MKLN1: variants seen among roughly 807,000 people sequenced by gnomAD.
MKLN1 encodes the protein muskelin 1.
Under a neutral mutation model 99.0 loss-of-function variants are expected in MKLN1, and 18 were observed. The observed-to-expected ratio is 0.18, with a 90% CI of 0.13 to 0.27. The LOEUF is 0.27. Among genes scored for constraint, MKLN1 ranks in the 10% least tolerant of loss-of-function variants. The pLI, the probability that MKLN1 is intolerant of heterozygous loss-of-function variation, is 1.00. For synonymous variants in MKLN1, 288 were observed against 293.2 expected, an observed-to-expected ratio of 0.98 and a Z score of 0.18; for missense variants, 621 against 875.9, an observed-to-expected ratio of 0.71 and a Z score of 3.67.
At chr7:131,271,718 G>T (rs1368692335) in intron 3 of MKLN1, among the ~76,000 whole-genome samples, 1 of 151,902 alleles carries the variant, frequency 6.6e-6, no homozygotes, top group Non-Finnish European at 1.5e-5. Flanking sequence ...AGACCAGCTT[G>T]GTCAACATGG....
At chr7:131,439,727 A>G (rs900673217) in intron 10 of MKLN1, among the ~76,000 whole-genome samples, 12 of 152,170 alleles carry the variant, frequency 7.9e-5, no homozygotes, top group Admixed American at 3.3e-4. Flanking sequence ...GCCATTTTTA[A>G]TTTTAACATA....
intron 3 of MKLN1, among the ~76,000 whole-genome samples, chr7:131,231,596 A>C (rs1451977022): frequency 6.6e-6 from 1 of 152,092 alleles, no homozygotes; most frequent in African/African-American, 2.4e-5. Context: ...GAGGCTGGGC[A>C]TGTGTGCATG....
intron 2 of MKLN1, among the ~76,000 whole-genome samples, chr7:131,165,299 C>T (rs556770957): frequency 2.5e-4 from 38 of 152,260 alleles, no homozygotes; most frequent in African/African-American, 8.4e-4. Context: ...GATTTTCCTG[C>T]CTCAGCCTCC....
intron 1 of MKLN1, among the ~76,000 whole-genome samples, chr7:131,131,646 G>A (rs567871688): frequency 6.6e-6 from 1 of 152,272 alleles, no homozygotes; most frequent in East Asian, 1.9e-4. Context: ...GTCACAGAAA[G>A]TCTGGTTTCA....
At chr7:131,448,929 T>G (rs1170442458) in intron 12 of MKLN1, among the ~76,000 whole-genome samples, 1 of 152,220 alleles carries the variant, frequency 6.6e-6, no homozygotes, top group Non-Finnish European at 1.5e-5. Context: ...AAGATTATTT[T>G]AGGCACTTGG....
intron 2 of MKLN1, among the ~76,000 whole-genome samples, chr7:131,190,382 C>T (rs894225886): frequency 2.0e-5 from 3 of 151,566 alleles, no homozygotes; most frequent in African/African-American, 7.3e-5. Context: ...CAGATGACCC[C>T]GGCTGAGCAA....
intron 17 of MKLN1, among the ~76,000 whole-genome samples, chr7:131,485,521 A>T (rs1166667622): frequency 6.6e-6 from 1 of 152,118 alleles, no homozygotes; most frequent in Non-Finnish European, 1.5e-5. Flanking sequence ...TCAATAGTTT[A>T]TTAATTACAA....
At chr7:131,333,326 C>G (rs746433247) in intron 1 of MKLN1, among the ~76,000 whole-genome samples, 20 of 152,138 alleles carry the variant, frequency 1.3e-4, no homozygotes, top group Non-Finnish European at 2.5e-4. Context: ...CCTCTCACCT[C>G]AGTGCCCCAA....
intron 12 of MKLN1, among the ~76,000 whole-genome samples, chr7:131,453,815 A>G (rs1796254808): frequency 6.6e-6 from 1 of 152,176 alleles, no homozygotes; most frequent in South Asian, 2.1e-4. Context: ...CTTATTTCCT[A>G]CAATGAACAA....
At chr7:131,252,329 CTTTTTT>C (rs60581249) in intron 3 of MKLN1, among the ~76,000 whole-genome samples, 1 of 118,532 alleles carries the variant, frequency 8.4e-6, no homozygotes. Context: ...TTTTTCTTTT[CTTTTTT>C]TTTTTTTTTT....
At chr7:131,422,847 T>C (rs1008982261) in intron 8 of MKLN1, among the ~76,000 whole-genome samples, 1 of 152,174 alleles carries the variant, frequency 6.6e-6, no homozygotes, top group African/African-American at 2.4e-5. Flanking sequence ...TCTTCCCTCC[T>C]AAGGGAATCC....
At chr7:131,445,211 C>T in intron 11 of MKLN1, among the ~76,000 whole-genome samples, 1 of 150,990 alleles carries the variant, frequency 6.6e-6, no homozygotes. Context: ...TTTTTTTTGC[C>T]CAAATTTTAG....
chr7:131,312,899 A>G (rs1798594401), intron 3 of MKLN1, among the ~76,000 whole-genome samples: 1 of 152,230 alleles, frequency 6.6e-6, no homozygotes, highest in Admixed American at 6.5e-5. Context: ...TCCTTGCAGT[A>G]AAGCCAAGAG....
intron 3 of MKLN1, among the ~76,000 whole-genome samples, chr7:131,275,040 A>G (rs1393199499): frequency 6.6e-6 from 1 of 152,180 alleles, no homozygotes; most frequent in Admixed American, 6.5e-5. Flanking sequence ...AGACCGAAAT[A>G]TCACCTTTGT....
chr7:131,349,866 G>GC (rs1221490226), intron 1 of MKLN1, among the ~76,000 whole-genome samples: 4 of 152,056 alleles, frequency 2.6e-5, no homozygotes, highest in Non-Finnish European at 5.9e-5. Flanking sequence ...TTATTTTGTT[G>GC]CCATTCTTTT....
intron 1 of MKLN1, among the ~76,000 whole-genome samples, chr7:131,353,903 TAAA>T (rs35581656): frequency 1.8e-5 from 2 of 113,704 alleles, no homozygotes; most frequent in Non-Finnish European, 3.6e-5. Flanking sequence ...TGTACCTTTG[TAAA>T]AAAAAAAAAA....
chr7:131,357,607 T>C (rs1375791747), intron 1 of MKLN1, among the ~76,000 whole-genome samples: 6 of 152,336 alleles, frequency 3.9e-5, no homozygotes, highest in African/African-American at 1.4e-4. Context: ...TTATACTTTA[T>C]TATAATCCAG....
chr7:131,230,737 A>G (rs1797229130), intron 3 of MKLN1, among the ~76,000 whole-genome samples: 1 of 152,094 alleles, frequency 6.6e-6, no homozygotes, highest in South Asian at 2.1e-4. Flanking sequence ...TCCCTACAGT[A>G]TATAAGCCCT....
chr7:131,318,974 G>C (rs904264462), intron 3 of MKLN1, among the ~76,000 whole-genome samples: 3 of 152,066 alleles, frequency 2.0e-5, no homozygotes, highest in Non-Finnish European at 4.4e-5. Flanking sequence ...ACCAAAAAAA[G>C]CCCAGGACCA....
Sources: gnomAD v4.1 joint callset for allele counts (sites outside exome capture counted in the v4.1 genomes callset) on GRCh38, gnomAD v4.1.1 for gene constraint, MANE v1.5 for transcripts, NCBI Gene and HGNC (gene_info 2026-07-23, HGNC 2026-07-21) for gene names.